The following RPRD2 variants were observed in gnomAD, a reference collection of about 807,000 sequenced individuals.
The protein encoded by RPRD2 is regulation of nuclear pre-mRNA domain containing 2, also known as regulation of nuclear pre-mRNA domain-containing protein 2.
Under a neutral mutation model 104.4 loss-of-function variants are expected in RPRD2, and 12 were observed. The observed-to-expected ratio is 0.11, with a 90% CI of 0.07 to 0.19. The LOEUF (loss-of-function observed/expected upper bound fraction) is 0.19, where lower values mean the gene tolerates loss of function less well. Ranked by LOEUF, RPRD2 falls within the 10% of genes least tolerant of loss-of-function variation. The pLI, the probability that RPRD2 is intolerant of heterozygous loss-of-function variation, is 1.00. For synonymous variants in RPRD2, 714 were observed against 684.9 expected (o/e 1.04, Z -0.66); for missense variants, 1,543 against 1,790.1 (o/e 0.86, Z 2.49).
At chr1:150,380,838 G>A (rs1661071208) in intron 1 of RPRD2, among the ~76,000 whole-genome samples, 1 of 151,950 alleles carries the variant, frequency 6.6e-6, no homozygotes, top group Non-Finnish European at 1.5e-5. Context: ...TGTATTTTTA[G>A]TAGAGACGGG....
chr1:150,471,174 C>T lies in RPRD2; in HGVS notation c.2226C>T (p.Pro742=), dbSNP rs1243883844. 5 of 1,613,864 alleles carry T rather than the reference C, an allele frequency of 3.1e-6. No individual in the cohort carries two copies. In the South Asian group the frequency reaches 5.5e-5, roughly 18 times the overall value. Residue 742 remains proline (P), a synonymous_variant, in exon 11 of 11, where the codon CCC becomes CCT. Coordinates refer to ENST00000369068, the MANE Select transcript of RPRD2 (RefSeq NM_015203.5). This position sits in a 1 kb window ranked among gnomAD's most constrained non-coding sequence, Gnocchi z 5.3. ...CCCAGGATGAGATGATGGACAAGCC[C>T]ACATCCAGCAGTGTAGATACTATGT... ...TPTQDEMMDK[P]TSSSVDTMSL... is the part of the protein sequence containing the mutation.
At chr1:150,406,174 T>G (rs1331340801) in intron 1 of RPRD2, among the ~76,000 whole-genome samples, 1 of 152,184 alleles carries the variant, frequency 6.6e-6, no homozygotes, top group Non-Finnish European at 1.5e-5. Flanking sequence ...CTTGATTAAC[T>G]GCTTGGTTAA....
intron 9 of RPRD2, among the ~76,000 whole-genome samples, chr1:150,460,791 CA>C (rs1384009283): frequency 6.7e-6 from 1 of 150,084 alleles, no homozygotes; most frequent in Non-Finnish European, 1.5e-5. Flanking sequence ...TGCAATGGTG[CA>C]AACTTCACTC....
Position 150,470,805 on chromosome 1 carries a change from C to T in RPRD2, c.1857C>T (p.Ser619=). ...ASIGQSPGLP[S]TTFKLPSNSL... ...TTGGGCAAAGCCCAGGGCTCCCAAG[C>T]ACTACTTTTAAACTACCTTCCAACT... The change falls in exon 11 of 11, where the codon AGC becomes AGT. Residue 619 remains serine, a synonymous_variant. Coordinates refer to ENST00000369068, the MANE Select transcript of RPRD2 (RefSeq NM_015203.5). The T allele has an allele frequency of 6.2e-7, 1 of 1,614,008 alleles. No homozygotes were observed. Among genetic ancestry groups the T allele is most frequent in the Non-Finnish European group, 8.5e-7 (1 of 1,179,904 alleles).
intron 1 of RPRD2, among the ~76,000 whole-genome samples, chr1:150,379,472 G>T (rs1315813491): frequency 6.6e-6 from 1 of 151,292 alleles, no homozygotes; most frequent in East Asian, 2.0e-4. Context: ...GCGCCATCTC[G>T]GCTCACTGCA....
At chr1:150,440,764 A>C (rs1666362236) in intron 2 of RPRD2, among the ~76,000 whole-genome samples, 159 bp from the exon 3 acceptor site, 2 of 152,248 alleles carry the variant, frequency 1.3e-5, no homozygotes. Context: ...CTTAAAGTTT[A>C]AGATTTCTTT....
intron 1 of RPRD2, among the ~76,000 whole-genome samples, chr1:150,368,581 A>T (rs1480422501): frequency 6.6e-6 from 1 of 150,944 alleles, no homozygotes; most frequent in Non-Finnish European, 1.5e-5. Flanking sequence ...CTCCTGCCTC[A>T]GCCTCCCAAG....
intron 1 of RPRD2, among the ~76,000 whole-genome samples, chr1:150,416,887 A>AAC (rs1560184374): frequency 2.6e-5 from 4 of 151,310 alleles, no homozygotes; most frequent in African/African-American, 9.7e-5. Flanking sequence ...AAAAAAAAAA[A>AAC]AAAACAAAAA....
intron 10 of RPRD2, among the ~76,000 whole-genome samples, chr1:150,466,441 CAG>C (rs1382975212): frequency 6.7e-6 from 1 of 148,784 alleles, no homozygotes; most frequent in East Asian, 2.0e-4. Flanking sequence ...TCCAGCTACT[CAG>C]GGGGCTAAGG....
rs761672487 is a variant in RPRD2 at position 150,471,918 on chromosome 1, G to A, written c.2970G>A (p.Thr990=). The A allele has an allele frequency of 6.8e-6, 11 of 1,613,842 alleles. No individual in the cohort carries two copies. Among genetic ancestry groups the A allele is most frequent in the South Asian group, 4.4e-5 (4 of 91,082 alleles). Residue 990 remains threonine (T), a synonymous_variant, in exon 11 of 11, where the codon ACG becomes ACA. Coordinates refer to ENST00000369068, the MANE Select transcript of RPRD2 (RefSeq NM_015203.5). This position sits in a 1 kb window ranked among gnomAD's most constrained non-coding sequence, Gnocchi z 5.3. ...CCGCTCCCACGGGTCACCCACCCAC[G>A]TCAGGCGTGGAGAAAGTCCTGGCCT... The part of the protein sequence containing the change: ...TLAAPTGHPP[T]SGVEKVLAST...
At chr1:150,388,376 A>G (rs12740428) in intron 1 of RPRD2, among the ~76,000 whole-genome samples, 38 of 25,616 alleles carry the variant, frequency 1.5e-3, no homozygotes, top group Admixed American at 3.4e-3. Context: ...ATGTATACAC[A>G]TATACACGTA....
chr1:150,371,198 G>A (rs899234293), intron 1 of RPRD2, among the ~76,000 whole-genome samples: 1 of 152,148 alleles, frequency 6.6e-6, no homozygotes, highest in African/African-American at 2.4e-5. Context: ...CCATGAAGCT[G>A]GTAATAATTT....
At chr1:150,369,495 C>T (rs1330944075) in intron 1 of RPRD2, among the ~76,000 whole-genome samples, 2 of 113,364 alleles carry the variant, frequency 1.8e-5, no homozygotes, top group South Asian at 3.1e-4. Flanking sequence ...CTTGCTCTGT[C>T]GCCCAGGCTG....
intron 7 of RPRD2, among the ~76,000 whole-genome samples, chr1:150,455,374 C>T (rs184470163): frequency 0.016 from 2,477 of 151,988 alleles, 56 homozygotes; most frequent in African/African-American, 0.056. Context: ...TGGGGGCGCA[C>T]GCCTGTAATC....
intron 1 of RPRD2, among the ~76,000 whole-genome samples, chr1:150,365,699 C>T (rs1249998011): frequency 3.3e-5 from 5 of 152,142 alleles, no homozygotes; most frequent in African/African-American, 9.7e-5. Context: ...AAGCGATTCT[C>T]CTGTCTCAGC....
At chr1:150,450,072 TG>T (rs374093948) in intron 7 of RPRD2, among the ~76,000 whole-genome samples, 1 of 152,146 alleles carries the variant, frequency 6.6e-6, no homozygotes, top group African/African-American at 2.4e-5. Context: ...TGTTCTTAGT[TG>T]GTTTACTTTT....
intron 7 of RPRD2, 134 bp downstream of exon 7, chr1:150,446,535 G>A (rs1666783972): frequency 2.6e-6 from 2 of 766,626 alleles, no homozygotes; most frequent in South Asian, 4.5e-5. Context: ...TTTTGGGATA[G>A]GTGCTGTGGT....
chr1:150,375,282 T>C (rs1660612839), intron 1 of RPRD2, among the ~76,000 whole-genome samples: 1 of 152,210 alleles, frequency 6.6e-6, no homozygotes, highest in Non-Finnish European at 1.5e-5. Context: ...AATTTTACTA[T>C]ACCAAATTCC....
rs950542546 is a variant in RPRD2 at position 150,423,262 on chromosome 1, C to T, written c.335+5537C>T. Among the ~76,000 whole-genome samples, 4 of 152,168 alleles carry T rather than the reference C, an allele frequency of 2.6e-5. No homozygotes were observed. In the East Asian group the frequency reaches 7.7e-4, roughly 29 times the overall value. ...TCAGAGTTGAGTTACACTTGGGAAA[C>T]TGTGGACTACTCTGCAACCAGCAAC... On this transcript the variant is annotated intron_variant, in intron 2 of 10. Transcript: ENST00000369068.
Sources: gnomAD v4.1 joint callset for allele counts (sites outside exome capture counted in the v4.1 genomes callset) on GRCh38, gnomAD v4.1.1 for gene constraint, Gnocchi (gnomAD v3.1) non-coding constraint, MANE v1.5 for transcripts, NCBI Gene and HGNC (gene_info 2026-07-23, HGNC 2026-07-21) for gene names.